Variants in CUX2 observed in about 807,000 individuals in gnomAD.
The protein encoded by CUX2 is homeobox protein cut-like 2.
CUX2 carries 40 observed loss-of-function variants against 144.8 expected under a neutral mutation model. The observed-to-expected ratio is 0.28, with a 90% CI of 0.21 to 0.36. The LOEUF (loss-of-function observed/expected upper bound fraction) is 0.36, where lower values mean the gene tolerates loss of function less well. Ranked by LOEUF, CUX2 falls within the 10% of genes least tolerant of loss-of-function variation. CUX2 has a pLI of 1.00. For missense variants in CUX2, 1,615 were observed against 1,994.0 expected (o/e 0.81, Z 3.62); for synonymous variants, 827 against 875.6 (o/e 0.94, Z 0.98).
At chr12:111,345,435 A>C (rs1592992728) in intron 21 of CUX2, among the ~76,000 whole-genome samples, 1 of 76,434 alleles carries the variant, frequency 1.3e-5, no homozygotes. Flanking sequence ...ACAAAGTGAG[A>C]CTCCATCTCA....
At chr12:111,124,665 CA>C (rs1874924047) in intron 1 of CUX2, among the ~76,000 whole-genome samples, 1 of 151,978 alleles carries the variant, frequency 6.6e-6, no homozygotes, top group South Asian at 2.1e-4. Context: ...ATTTTAGATT[CA>C]GGGGGTACAT....
In CUX2 at chr12:111,034,262, C is replaced by A; in HGVS notation, c.63+22C>A. ...CCAGGTTAGTGCGGGCAGCGCCGGC[C>A]GCGCGGCCGTGAGGAGCCCCCGGGC... On this transcript the variant is annotated intron_variant, in intron 1 of 21. Coordinates refer to ENST00000261726, the MANE Select transcript of CUX2 (RefSeq NM_015267.4). This position sits in a 1 kb window ranked among gnomAD's most constrained non-coding sequence, Gnocchi z 4.2. The A allele has an allele frequency of 2.3e-6, 3 of 1,328,696 alleles. No individual in the cohort carries two copies. The highest frequency in any genetic ancestry group is 3.0e-6 in the Non-Finnish European group (3 of 1,007,038). The allele number at this position is 1,328,696 out of a possible 1,614,324, so 82.3% of individuals were successfully genotyped here.
chr12:111,300,533 C>T (rs1767930055), intron 9 of CUX2, among the ~76,000 whole-genome samples: 1 of 152,208 alleles, frequency 6.6e-6, no homozygotes. Flanking sequence ...AGTTCCTCCT[C>T]TGTTTTACGG....
chr12:111,319,727 A>G (rs1024005981), intron 16 of CUX2, among the ~76,000 whole-genome samples: 1 of 151,992 alleles, frequency 6.6e-6, no homozygotes, highest in Non-Finnish European at 1.5e-5. Context: ...GTGAGACTCC[A>G]TCTCAAAACA....
Position 111,304,017 on chromosome 12 carries a change from T to C in CUX2, c.754-193T>C, listed in dbSNP as rs1886450358. 1.3e-5 allele frequency: 7 copies of C among 556,052 alleles called. No individual in the cohort carries two copies. In the South Asian group the frequency reaches 1.4e-4, roughly 11 times the overall value. The allele number at this position is 556,052 out of a possible 1,614,324, so 34.4% of individuals were successfully genotyped here. On this transcript the variant is annotated intron_variant, in intron 9 of 21. Transcript: ENST00000261726. This position sits in a 1 kb window ranked among gnomAD's most constrained non-coding sequence, Gnocchi z 4.7. ...GCTCAGGAGTAACCCCAGAGGCTGC[T>C]ATTTCTTGTCCCCAGCCCAGACAGG... is the stretch of plus-strand genomic sequence containing the variant.
intron 1 of CUX2, among the ~76,000 whole-genome samples, chr12:111,101,906 G>A (rs7138504): frequency 0.034 from 5,158 of 152,238 alleles, 297 homozygotes; most frequent in African/African-American, 0.12. Flanking sequence ...ATACAGTACC[G>A]ACTACATGGG....
chr12:111,306,832 A>G, intron 10 of CUX2, 89 bp from the exon 11 acceptor site: 1 of 1,107,590 alleles, frequency 9.0e-7, no homozygotes, highest in Non-Finnish European at 1.3e-6. Context: ...ACAAATTTGC[A>G]TTCTGCTTGG....
intron 1 of CUX2, among the ~76,000 whole-genome samples, chr12:111,134,417 T>C (rs1413582540): frequency 1.3e-5 from 2 of 152,214 alleles, no homozygotes; most frequent in African/African-American, 4.8e-5. Context: ...GTGTTCTCTT[T>C]ACTACTGGAA....
At chr12:111,305,037 CTGATTAA>C (rs1886505316) in intron 10 of CUX2, among the ~76,000 whole-genome samples, 1 of 152,208 alleles carries the variant, frequency 6.6e-6, no homozygotes, top group South Asian at 2.1e-4. Context: ...TGTGTTAGGC[CTGATTAA>C]TCAATTCATC....
intron 4 of CUX2, among the ~76,000 whole-genome samples, chr12:111,283,718 G>A (rs1381784471): frequency 2.0e-5 from 3 of 152,032 alleles, no homozygotes; most frequent in African/African-American, 7.2e-5. Flanking sequence ...TGGGGATTTG[G>A]GGAAGTCAGT....
chr12:111,198,474 C>CAAA lies in CUX2; in HGVS notation c.64-15712_64-15710dup, dbSNP rs1462714448. ...TGAGGTACAGAGTGAGACCCTGTCT[C>CAAA]AAAAAAAAAAAAAAAAGTGTCTATT... On this transcript the variant is annotated intron_variant, in intron 1 of 21. Transcript: ENST00000261726. 5.0e-4 allele frequency among the ~76,000 whole-genome samples: 61 copies of CAAA among 122,684 alleles called. 1 individual carries two copies. In the South Asian group the frequency reaches 6.2e-3, roughly 13 times the overall value. The allele number at this position is 122,684 out of a possible 152,430, so 80.5% of individuals were successfully genotyped here. A position where few individuals can be genotyped will look rare whatever the true frequency, so the allele number is the denominator to read the frequency against.
At chr12:111,197,848 T>C (rs1052079023) in intron 1 of CUX2, among the ~76,000 whole-genome samples, 4 of 152,186 alleles carry the variant, frequency 2.6e-5, no homozygotes, top group African/African-American at 9.7e-5. Flanking sequence ...TGGGTTTACA[T>C]ACAGGTAATT....
At position 111,057,614 on chromosome 12, in the gene CUX2, C is replaced by T. The variant is rs980598359; in HGVS notation, c.63+23374C>T. 6.6e-6 allele frequency among the ~76,000 whole-genome samples: 1 copy of T among 152,168 alleles called. No homozygotes were observed. Among genetic ancestry groups the T allele is most frequent in the Non-Finnish European group, 1.5e-5 (1 of 68,034 alleles). ...CACCATCTTCCTGTCTTCCTGTGGG[C>T]CCCTCGCTCCCCACTTCTGCCAGCA... On this transcript the variant is annotated intron_variant, in intron 1 of 21. Coordinates refer to ENST00000261726, the MANE Select transcript of CUX2 (RefSeq NM_015267.4). The surrounding 1 kb of genome is among the most constrained non-coding windows in gnomAD (Gnocchi z 5.1).
At chr12:111,288,762 A>G (rs1007621768) in intron 4 of CUX2, among the ~76,000 whole-genome samples, 29 of 152,174 alleles carry the variant, frequency 1.9e-4, no homozygotes, top group African/African-American at 7.0e-4. Context: ...CAGGAGTTCA[A>G]GACCAGCTTG....
chr12:111,044,588 A>G (rs142594748), intron 1 of CUX2, among the ~76,000 whole-genome samples: 17 of 152,016 alleles, frequency 1.1e-4, no homozygotes, highest in African/African-American at 3.9e-4. Flanking sequence ...TTTCCAAATC[A>G]GCTCCCCTCT....
intron 1 of CUX2, among the ~76,000 whole-genome samples, chr12:111,161,578 A>G (rs1486557189): frequency 6.6e-6 from 1 of 152,182 alleles, no homozygotes; most frequent in African/African-American, 2.4e-5. Context: ...AAGTTCTACA[A>G]TTACTCTCAT....
At chr12:111,181,402 C>T (rs1288033647) in intron 1 of CUX2, among the ~76,000 whole-genome samples, 3 of 152,232 alleles carry the variant, frequency 2.0e-5, no homozygotes, top group Non-Finnish European at 1.5e-5. Flanking sequence ...TAATAATGCA[C>T]TGGCTAGACT....
intron 1 of CUX2, among the ~76,000 whole-genome samples, chr12:111,159,361 A>G (rs1465720476): frequency 1.3e-5 from 2 of 148,962 alleles, no homozygotes; most frequent in Non-Finnish European, 3.0e-5. Context: ...CATTACCCAG[A>G]CTGGTCTTGA....
At chr12:111,242,179 A>G (rs1883050402) in intron 3 of CUX2, among the ~76,000 whole-genome samples, 1 of 152,250 alleles carries the variant, frequency 6.6e-6, no homozygotes, top group Non-Finnish European at 1.5e-5. Context: ...GCCAAGCCCA[A>G]TTCATTATCG....
Sources: allele counts gnomAD v4.1 joint callset (sites outside exome capture counted in the v4.1 genomes callset), GRCh38; gene constraint gnomAD v4.1.1; non-coding constraint Gnocchi (gnomAD v3.1); transcripts MANE v1.5; gene names NCBI Gene and HGNC (gene_info 2026-07-23, HGNC 2026-07-21).